PARVB: variants seen among roughly 807,000 people sequenced by gnomAD.
The protein encoded by PARVB is beta-parvin.
Under a neutral mutation model 47.0 loss-of-function variants are expected in PARVB, and 46 were observed. That is an observed-to-expected ratio of 0.98 (90% CI 0.77 to 1.25). The LOEUF (loss-of-function observed/expected upper bound fraction) is 1.25, where lower values mean the gene tolerates loss of function less well. Ranked by LOEUF, PARVB falls within the 50% of genes most tolerant of loss-of-function variation. The pLI is 0.00. For synonymous variants in PARVB, 196 were observed against 196.3 expected, an observed-to-expected ratio of 1.00 and a Z score of 0.01; for missense variants, 473 against 471.6, an observed-to-expected ratio of 1.00 and a Z score of -0.03.
intron 9 of PARVB, chr22:44,148,249 G>C: frequency 2.6e-6 from 1 of 378,758 alleles, no homozygotes; most frequent in Non-Finnish European, 5.1e-6. Context: ...GCTCTCGCTG[G>C]CCTCATTTAC....
chr22:44,016,433 CCTCA>C (rs2050584086), intron 2 of PARVB, among the ~76,000 whole-genome samples: 2 of 152,254 alleles, frequency 1.3e-5, no homozygotes, highest in South Asian at 4.2e-4. Context: ...CCACTCTAAA[CCTCA>C]CTCTCTGTGT....
At position 44,029,122 on chromosome 22, in the gene PARVB, C is replaced by A. The variant is rs150714467; in HGVS notation, c.112+4671C>A. ...GCCTCAGCTTCTGGAGTAGTTGGGACTACAGGCACATACCACCATGCCCAG... is the reference window on the plus strand; with the variant it reads ...GCCTCAGCTTCTGGAGTAGTTGGGAATACAGGCACATACCACCATGCCCAG... On this transcript the variant is annotated intron_variant, in intron 1 of 12. Coordinates refer to ENST00000338758, the MANE Select transcript of PARVB (RefSeq NM_013327.5). Among the ~76,000 whole-genome samples, 456 of 152,188 alleles carry A rather than the reference C, an allele frequency of 3.0e-3. 2 individuals are homozygous for A. Among genetic ancestry groups the A allele is most frequent in the African/African-American group, 0.011 (437 of 41,538 alleles).
At chr22:44,090,358 C>G (rs1238527875) in intron 1 of PARVB, among the ~76,000 whole-genome samples, 1 of 152,244 alleles carries the variant, frequency 6.6e-6, no homozygotes, top group Admixed American at 6.5e-5. Context: ...GCATAACCAG[C>G]CCCTTCAGAA....
At position 44,069,000 on chromosome 22, in the gene PARVB, G is replaced by T; in HGVS notation, c.113-24928G>T. On this transcript the variant is annotated intron_variant, in intron 1 of 12. Transcript: ENST00000338758. This position sits in a 1 kb window ranked among gnomAD's most constrained non-coding sequence, Gnocchi z 4.1. The stretch of plus-strand genomic sequence containing the variant: ...GTCCTTCCACAGCCTGACCCTCTGT[G>T]ACCTTCCTCAAAGGCTCCCCAAAGA... 1.2e-6 allele frequency: 1 copy of T among 852,638 alleles called. No individual in the cohort carries two copies. 52.8% of individuals were successfully genotyped at this position (852,638 alleles called of 1,614,324 possible).
At chr22:44,096,669 C>T (rs559464772) in intron 2 of PARVB, among the ~76,000 whole-genome samples, 2 of 152,252 alleles carry the variant, frequency 1.3e-5, no homozygotes, top group Admixed American at 6.5e-5. Context: ...TCTTGAACCC[C>T]GGGCATTTTG....
intron 1 of PARVB, among the ~76,000 whole-genome samples, chr22:44,076,984 G>A (rs574285580): frequency 1.3e-5 from 2 of 152,306 alleles, no homozygotes; most frequent in Admixed American, 6.5e-5. Context: ...TGTGTGGCCT[G>A]GGTCCCCCTT....
Position 44,024,864 on chromosome 22 carries a change from C to T in PARVB, c.112+413C>T, listed in dbSNP as rs529571843. On this transcript the variant is annotated intron_variant, in intron 1 of 12. Coordinates refer to ENST00000338758, the MANE Select transcript of PARVB (RefSeq NM_013327.5). Reference sequence around the variant, plus strand: ...GGGCAGACACGGCCTGGGGGACCCACTACTGGGTGTTGCGCGGGCGCCCTG... The same window carrying T: ...GGGCAGACACGGCCTGGGGGACCCATTACTGGGTGTTGCGCGGGCGCCCTG... Among the ~76,000 whole-genome samples the T allele has an allele frequency of 4.6e-3, 701 of 152,290 alleles. 4 individuals carry two copies. Among genetic ancestry groups the T allele is most frequent in the Middle Eastern group, 0.034 (10 of 294 alleles).
intron 1 of PARVB, among the ~76,000 whole-genome samples, chr22:44,084,903 T>G (rs1229213576): frequency 6.6e-6 from 1 of 152,252 alleles, no homozygotes; most frequent in East Asian, 1.9e-4. Flanking sequence ...CCAGGACATC[T>G]GTTTATTTTC....
chr22:44,025,355 A>G (rs2050711476), intron 1 of PARVB, among the ~76,000 whole-genome samples: 1 of 152,110 alleles, frequency 6.6e-6, no homozygotes, highest in Non-Finnish European at 1.5e-5. Context: ...CCCGGGATGC[A>G]GGTCCCCCAT....
At chr22:44,082,660 C>A (rs923264333) in intron 1 of PARVB, among the ~76,000 whole-genome samples, 4 of 152,182 alleles carry the variant, frequency 2.6e-5, no homozygotes, top group African/African-American at 9.7e-5. Flanking sequence ...CTCCATGCCC[C>A]GGTTTCTCGC....
chr22:44,050,157 C>G (rs1389151581), intron 1 of PARVB, among the ~76,000 whole-genome samples: 1 of 152,186 alleles, frequency 6.6e-6, no homozygotes. Context: ...GTCCTGCTGC[C>G]ACTGCCTTTA....
At chr22:44,152,764 G>A (rs192596157) in intron 10 of PARVB, 1 of 152,202 alleles carries the variant, frequency 6.6e-6, no homozygotes, top group African/African-American at 2.4e-5. Context: ...CCCAGGATTA[G>A]CAGGGTGCTT....
chr22:44,087,829 A>G (rs919232804), intron 1 of PARVB, among the ~76,000 whole-genome samples: 11 of 148,890 alleles, frequency 7.4e-5, no homozygotes, highest in Non-Finnish European at 1.3e-4. Flanking sequence ...TTGTAATTCC[A>G]AATCAGGAAC....
intron 1 of PARVB, among the ~76,000 whole-genome samples, chr22:44,085,866 T>C (rs1394370539): frequency 6.6e-6 from 1 of 152,252 alleles, no homozygotes; most frequent in Non-Finnish European, 1.5e-5. Context: ...CAAGGCTTGC[T>C]GCCATCTGAA....
intron 1 of PARVB, among the ~76,000 whole-genome samples, chr22:44,050,072 C>A (rs924445173): frequency 6.6e-6 from 1 of 152,184 alleles, no homozygotes; most frequent in Admixed American, 6.5e-5. Flanking sequence ...GTATTTAGTT[C>A]TTCCTGCCTC....
chr22:44,073,986 G>A (rs578060330), intron 1 of PARVB, among the ~76,000 whole-genome samples: 6 of 152,374 alleles, frequency 3.9e-5, no homozygotes, highest in East Asian at 3.9e-4. Flanking sequence ...CCGAGGACCC[G>A]CCGTGGGGCA....
chr22:44,009,714 A>G, intron 2 of PARVB, among the ~76,000 whole-genome samples: 2 of 151,502 alleles, frequency 1.3e-5, no homozygotes, highest in Middle Eastern at 3.5e-3. Flanking sequence ...AACCCTTTAA[A>G]AACCCTCTTT....
rs932134073 is a variant in PARVB, at chr22:44,089,257, G to A, written c.113-4671G>A. 1 of 152,326 alleles carries A rather than the reference G, an allele frequency of 6.6e-6. No homozygotes were observed. The highest frequency in any genetic ancestry group is 2.4e-5 in the African/African-American group (1 of 41,446). 9.4% of individuals were successfully genotyped at this position (152,326 alleles called of 1,614,324 possible). ...CCCTCGTGGCTGGCTGCTGGGTTTC[G>A]TGTGGACAGAGACATTCATCTTAGA... is the stretch of plus-strand genomic sequence containing the variant. On this transcript the variant is annotated intron_variant, in intron 1 of 12. Coordinates refer to ENST00000338758, the MANE Select transcript of PARVB (RefSeq NM_013327.5). The surrounding 1 kb of genome is among the most constrained non-coding windows in gnomAD (Gnocchi z 4.0).
intron 1 of PARVB, among the ~76,000 whole-genome samples, chr22:44,027,122 G>A (rs1336115303): frequency 2.0e-5 from 3 of 152,132 alleles, no homozygotes; most frequent in Non-Finnish European, 2.9e-5. Flanking sequence ...TGGGCATTCA[G>A]AAAATGGAAA....
Sources: allele counts gnomAD v4.1 joint callset (sites outside exome capture counted in the v4.1 genomes callset), GRCh38; gene constraint gnomAD v4.1.1; non-coding constraint Gnocchi (gnomAD v3.1); transcripts MANE v1.5; gene names NCBI Gene and HGNC (gene_info 2026-07-23, HGNC 2026-07-21).